Variants in ARHGAP42 observed in about 807,000 individuals in gnomAD.
ARHGAP42 encodes the protein rho GTPase-activating protein 42.
A neutral mutation model predicts 125.0 loss-of-function variants in ARHGAP42; 63 were observed. The observed-to-expected ratio is 0.50, with a 90% CI of 0.41 to 0.62. ARHGAP42 has a LOEUF of 0.62. Among genes scored for constraint, ARHGAP42 ranks in the 20% least tolerant of loss-of-function variants. The probability of loss-of-function intolerance (pLI) is 0.00; values close to 1 mark genes in which losing one functional copy is unlikely to be tolerated. For missense variants in ARHGAP42, 766 were observed against 1,024.2 expected, an observed-to-expected ratio of 0.75 and a Z score of 3.44; for synonymous variants, 339 against 351.0, an observed-to-expected ratio of 0.97 and a Z score of 0.38.
At chr11:100,961,259 A>T (rs1163384055) in intron 14 of ARHGAP42, among the ~76,000 whole-genome samples, 3 of 152,078 alleles carry the variant, frequency 2.0e-5, no homozygotes, top group Non-Finnish European at 2.9e-5. Context: ...GTCATTTGGA[A>T]TCCTAGCTCA....
rs543612056 is a variant in ARHGAP42 at position 100,991,257 on chromosome 11, A to G, written c.*2456A>G. The G allele has an allele frequency of 1.3e-5, 2 of 152,336 alleles. No homozygotes were observed. The highest frequency in any genetic ancestry group is 4.1e-4 in the South Asian group (2 of 4,826). The allele number at this position is 152,336 out of a possible 1,614,324, so 9.4% of individuals were successfully genotyped here. ...GCTTTTCCCTTAAAGTAAGTTTCCT[A>G]CAGATAAGGTATTTATGAGCACTGA... On this transcript the variant is annotated 3_prime_UTR_variant, in exon 24 of 24. Coordinates refer to ENST00000298815, the MANE Select transcript of ARHGAP42 (RefSeq NM_152432.4).
intron 1 of ARHGAP42, 36 bp from the exon 2 acceptor site, chr11:100,770,307 C>T (rs1383279016): frequency 4.3e-6 from 6 of 1,405,942 alleles, no homozygotes; most frequent in Admixed American, 2.1e-5. Context: ...AGTGGAACCT[C>T]ACCTTATGGA....
In ARHGAP42 at chr11:100,902,173, C is replaced by T. The variant is rs530177219; in HGVS notation, c.385-11279C>T. 1.1e-3 allele frequency among the ~76,000 whole-genome samples: 163 copies of T among 152,280 alleles called. 2 individuals are homozygous for T. The South Asian group carries it at 0.031, about 29-fold the overall frequency. On this transcript the variant is annotated intron_variant, in intron 4 of 23. Coordinates refer to ENST00000298815, the MANE Select transcript of ARHGAP42 (RefSeq NM_152432.4). ...TAACAATGACCAAAACACTTTAACC[C>T]GTTGAAGAATGGGGCAGTCATTTTT...
At chr11:100,874,501 G>C (rs1340793889) in intron 4 of ARHGAP42, among the ~76,000 whole-genome samples, 1 of 152,094 alleles carries the variant, frequency 6.6e-6, no homozygotes, top group Non-Finnish European at 1.5e-5. Context: ...TGGACACCTC[G>C]GGCCTGTGTC....
Position 100,913,536 on chromosome 11 carries a change from G to T in ARHGAP42, c.469G>T (p.Glu157Ter), listed in dbSNP as rs1866982218. The T allele has an allele frequency of 1.5e-6, 2 of 1,294,520 alleles. No homozygotes were observed. Among genetic ancestry groups the T allele is most frequent in the Non-Finnish European group, 2.0e-6 (2 of 984,540 alleles). 80.2% of individuals were successfully genotyped at this position (1,294,520 alleles called of 1,614,324 possible). A position where few individuals can be genotyped will look rare whatever the true frequency, so the allele number is the denominator to read the frequency against. The change falls in exon 5 of 24, where the codon GAG (glutamate) becomes TAG (stop). Residue 157 changes from glutamate to a stop codon, truncating the protein, a stop_gained. Transcript: ENST00000298815. LOFTEE classifies it high-confidence loss of function. ...TTTAAATTTGTCCGCAAAGAAAAAG[G>T]AGTCTCATTTACAAGAGGTAAGCTT... ...KHLNLSAKKK[E>*]SHLQEADTQI...
At chr11:100,988,544 T>A (rs1184811226) in intron 23 of ARHGAP42, among the ~76,000 whole-genome samples, 169 bp from the exon 24 acceptor site, 1 of 152,206 alleles carries the variant, frequency 6.6e-6, no homozygotes, top group Non-Finnish European at 1.5e-5. Context: ...CATCATTTTA[T>A]ATCAGGGACA....
chr11:100,898,141 G>A lies in ARHGAP42; in HGVS notation c.385-15311G>A, dbSNP rs1015162839. 4.6e-5 allele frequency among the ~76,000 whole-genome samples: 7 copies of A among 152,228 alleles called. No individual in the cohort carries two copies. In the South Asian group the frequency reaches 1.0e-3, roughly 23 times the overall value. On this transcript the variant is annotated intron_variant, in intron 4 of 23. Coordinates refer to ENST00000298815, the MANE Select transcript of ARHGAP42 (RefSeq NM_152432.4). ...TGGTTCTGTTTATGTGATGGATTAC[G>A]TTTACTGGTTTTTGTATGTTGAACC...
At chr11:100,940,700 A>T (rs533970394) in intron 8 of ARHGAP42, among the ~76,000 whole-genome samples, 64 of 152,266 alleles carry the variant, frequency 4.2e-4, no homozygotes, top group African/African-American at 1.5e-3. Context: ...CCAGATTAGG[A>T]GTAAGAGGAA....
rs776801663 is a variant in ARHGAP42, at chr11:100,992,509, T to A, written c.*3708T>A. The stretch of plus-strand genomic sequence containing the variant: ...TCAAGACACTTTTAAGAAACAAAGA[T>A]AGTTTTCTGAACATTCTGTGTCCTG... On this transcript the variant is annotated 3_prime_UTR_variant, in exon 24 of 24. Transcript: ENST00000298815. 1 of 1,614,114 alleles carries A rather than the reference T, an allele frequency of 6.2e-7. No homozygotes were observed. Among genetic ancestry groups the A allele is most frequent in the Non-Finnish European group, 8.5e-7 (1 of 1,179,974 alleles).
intron 1 of ARHGAP42, among the ~76,000 whole-genome samples, chr11:100,730,125 A>G (rs1402281566): frequency 2.6e-5 from 4 of 151,974 alleles, no homozygotes; most frequent in Non-Finnish European, 4.4e-5. Context: ...TTCAAATAAG[A>G]CTAATTTGAC....
At chr11:100,889,406 G>A (rs1866166884) in intron 4 of ARHGAP42, among the ~76,000 whole-genome samples, 2 of 152,280 alleles carry the variant, frequency 1.3e-5, no homozygotes, top group South Asian at 4.1e-4. Context: ...TGAGGACACA[G>A]AGGAGGAGTG....
chr11:100,884,615 C>T (rs1866041493), intron 4 of ARHGAP42, among the ~76,000 whole-genome samples: 1 of 152,088 alleles, frequency 6.6e-6, no homozygotes, highest in Non-Finnish European at 1.5e-5. Flanking sequence ...ATTGTTGACG[C>T]AAAGCAGAGC....
intron 4 of ARHGAP42, among the ~76,000 whole-genome samples, chr11:100,900,054 C>T (rs1866499269): frequency 6.6e-6 from 1 of 151,854 alleles, no homozygotes. Context: ...CTGGTCGTTT[C>T]TTTCCATGTT....
intron 3 of ARHGAP42, among the ~76,000 whole-genome samples, chr11:100,837,273 T>TA (rs1490732395): frequency 2.0e-5 from 3 of 152,144 alleles, no homozygotes; most frequent in Non-Finnish European, 4.4e-5. Flanking sequence ...TTAGGAAGTT[T>TA]AACACAGGTA....
chr11:100,764,749 T>C (rs1261292117), intron 1 of ARHGAP42, among the ~76,000 whole-genome samples: 1 of 152,188 alleles, frequency 6.6e-6, no homozygotes, highest in African/African-American at 2.4e-5. Context: ...CAGAAATTGA[T>C]GGTTTCAACA....
intron 20 of ARHGAP42, 64 bp from the exon 21 acceptor site, chr11:100,976,750 GT>G: frequency 6.6e-7 from 1 of 1,524,502 alleles, no homozygotes; most frequent in South Asian, 1.2e-5. Context: ...TTATGCACAT[GT>G]ACGTGTTATT....
chr11:100,902,919 C>A (rs146982410), intron 4 of ARHGAP42, among the ~76,000 whole-genome samples: 1 of 152,214 alleles, frequency 6.6e-6, no homozygotes, highest in East Asian at 1.9e-4. Context: ...GAAGATAAAT[C>A]TTGCTTCTTG....
At chr11:100,939,525 A>C (rs1867820970) in intron 8 of ARHGAP42, among the ~76,000 whole-genome samples, 1 of 152,164 alleles carries the variant, frequency 6.6e-6, no homozygotes, top group Non-Finnish European at 1.5e-5. Context: ...AGTTTTCTTA[A>C]AATGTTCTTT....
intron 3 of ARHGAP42, chr11:100,816,753 G>C (rs1565226579): frequency 1.3e-5 from 2 of 152,238 alleles, no homozygotes; most frequent in East Asian, 1.9e-4. Flanking sequence ...CCCCCAAAAA[G>C]CAGGCGATAA....
Sources: allele counts gnomAD v4.1 joint callset (sites outside exome capture counted in the v4.1 genomes callset), GRCh38; gene constraint gnomAD v4.1.1; transcripts MANE v1.5; gene names NCBI Gene and HGNC (gene_info 2026-07-23, HGNC 2026-07-21).